Variants in LETM2 observed in about 807,000 individuals in gnomAD.
LETM2 encodes leucine zipper and EF-hand containing transmembrane protein 2, also known as LETM1 domain-containing protein LETM2, mitochondrial.
A neutral mutation model predicts 59.6 loss-of-function variants in LETM2; 58 were observed. The observed-to-expected ratio is 0.97, with a 90% CI of 0.79 to 1.21. The LOEUF (loss-of-function observed/expected upper bound fraction) is 1.21. LETM2 is among the 50% of genes most tolerant of loss of function. The pLI is 0.00. For synonymous variants in LETM2, 199 were observed against 214.1 expected, an observed-to-expected ratio of 0.93 and a Z score of 0.62; for missense variants, 572 against 575.7, an observed-to-expected ratio of 0.99 and a Z score of 0.07.
chr8:38,391,509 G>C (rs1319650289), intron 2 of LETM2, among the ~76,000 whole-genome samples: 1 of 151,674 alleles, frequency 6.6e-6, no homozygotes, highest in Non-Finnish European at 1.5e-5. Context: ...CACCAAGTTG[G>C]CCAGGATGGT....
chr8:38,401,155 T>C (rs1813188952), intron 6 of LETM2, 102 bp downstream of exon 6: 1 of 971,190 alleles, frequency 1.0e-6, no homozygotes. Context: ...TTTGTTTTTG[T>C]TTTTGAGACA....
intron 9 of LETM2, 146 bp downstream of exon 9, chr8:38,407,184 T>C (rs1342602524): frequency 5.5e-6 from 4 of 721,404 alleles, no homozygotes; most frequent in Non-Finnish European, 9.4e-6. Context: ...TACTGTTTGA[T>C]CTAAGAGGAA....
chr8:38,392,449 T>A (rs1206703575), intron 2 of LETM2, 93 bp from the exon 3 acceptor site: 2 of 816,960 alleles, frequency 2.4e-6, no homozygotes, highest in Non-Finnish European at 3.9e-6. Flanking sequence ...TGACCAGATG[T>A]ACTATCTATT....
chr8:38,391,211 C>A (rs112721498), intron 2 of LETM2, among the ~76,000 whole-genome samples: 23,316 of 128,654 alleles, frequency 0.18, 2,241 homozygotes, highest in East Asian at 0.28. Context: ...AAAAAAAAAA[C>A]CAAAAAACTG....
chr8:38,394,765 C>T (rs1382567337), intron 4 of LETM2, among the ~76,000 whole-genome samples: 2 of 151,372 alleles, frequency 1.3e-5, no homozygotes, highest in Non-Finnish European at 2.9e-5. Flanking sequence ...TCACTTGAGC[C>T]CAGGAGGTCA....
Position 38,387,969 on chromosome 8 carries a change from G to C in LETM2, c.-15G>C, listed in dbSNP as rs1410064308. On this transcript the variant is annotated 5_prime_UTR_variant, in exon 2 of 11. It removes the in-frame stop codon of an upstream open reading frame in the 5' UTR. Transcript: ENST00000379957. ...GCCTAGGTCCCTATGTTAACTACTT[G>C]AGACAAAAATAAATATGGCCTTCTA... The C allele has an allele frequency of 3.3e-6, 5 of 1,511,608 alleles. No homozygotes were observed. The Admixed American group carries it at 9.9e-5, about 30-fold the overall frequency. The allele number at this position is 1,511,608 out of a possible 1,614,324, so 93.6% of individuals were successfully genotyped here.
In LETM2 at chr8:38,404,426, C is replaced by T; in HGVS notation, c.1138C>T (p.Pro380Ser). Residue 380 changes from proline to serine, a missense_variant, in exon 8 of 11, where the codon CCT becomes TCT. Pro to Ser is a moderately conservative substitution (Grantham distance 74, BLOSUM62 -1). Transcript: ENST00000379957. Reference sequence around the variant, plus strand: ...CCTCCACCTGAAGGAGAACGTCCCTCCTTCCCTTTTGCTCCTGTCCCGCAC... The same window carrying T: ...CCTCCACCTGAAGGAGAACGTCCCTTCTTCCCTTTTGCTCCTGTCCCGCAC... ...QDLHLKENVP[P>S]SLLLLSRTFY... 1.2e-6 allele frequency: 2 copies of T among 1,614,074 alleles called. No homozygotes were observed. The highest frequency in any genetic ancestry group is 1.7e-6 in the Non-Finnish European group (2 of 1,179,954).
At chr8:38,397,158 T>C in intron 4 of LETM2, 1 of 455,058 alleles carries the variant, frequency 2.2e-6, no homozygotes, top group South Asian at 1.6e-5. Context: ...CAAAACATTA[T>C]GAGAAGACAA....
intron 4 of LETM2, among the ~76,000 whole-genome samples, chr8:38,398,720 C>CTTTTTTT (rs869232263): frequency 1.7e-5 from 2 of 115,812 alleles, no homozygotes; most frequent in Non-Finnish European, 1.8e-5. Context: ...TAAGTGGGTT[C>CTTTTTTT]TTTTTTTTTT....
intron 2 of LETM2, among the ~76,000 whole-genome samples, chr8:38,392,105 C>T (rs867980937): frequency 6.6e-6 from 1 of 152,234 alleles, no homozygotes; most frequent in Non-Finnish European, 1.5e-5. Flanking sequence ...TTAATTCCTA[C>T]AGTGACCATC....
chr8:38,405,002 C>G (rs1033650684), intron 8 of LETM2, among the ~76,000 whole-genome samples: 5 of 152,138 alleles, frequency 3.3e-5, no homozygotes, highest in African/African-American at 1.2e-4. Flanking sequence ...AAAACTGAAG[C>G]CACTCAGTTT....
rs768090246 is a variant in LETM2, at chr8:38,400,304, G to A, written c.678G>A (p.Lys226=). 1 of 1,612,960 alleles carries A rather than the reference G, an allele frequency of 6.2e-7. No homozygotes were observed. Among genetic ancestry groups the A allele is most frequent in the Non-Finnish European group, 8.5e-7 (1 of 1,179,588 alleles). ...AACAGAAAAAGAAAATGGCTGTAAA[G>A]TTGGAACTAGCAAAATTTCTTCAAG... ...EEKQKKKMAV[K]LELAKFLQET... Residue 226 remains lysine, a synonymous_variant, in exon 5 of 11, where the codon AAG becomes AAA. Transcript: ENST00000379957.
chr8:38,409,048 T>TA lies in LETM2; in HGVS notation c.*775dup, dbSNP rs1813977244. ...GTTTGTCTTTCACAAATAAGACTAT[T>TA]AGTCATAGGGATTGTGAAAGTCTGA... On this transcript the variant is annotated 3_prime_UTR_variant, in exon 11 of 11. Transcript: ENST00000379957. 1 of 152,250 alleles carries TA rather than the reference T, an allele frequency of 6.6e-6. No homozygotes were observed. Among genetic ancestry groups the TA allele is most frequent in the Non-Finnish European group, 1.5e-5 (1 of 68,056 alleles). 9.4% of individuals were successfully genotyped at this position (152,250 alleles called of 1,614,324 possible). A position where few individuals can be genotyped will look rare whatever the true frequency, so the allele number is the denominator to read the frequency against.
Position 38,408,777 on chromosome 8 carries a change from G to GT in LETM2, c.*504dup, listed in dbSNP as rs1177203133. The GT allele has an allele frequency of 6.6e-6, 1 of 152,464 alleles. No homozygotes were observed. The highest frequency in any genetic ancestry group is 2.4e-5 in the African/African-American group (1 of 41,466). 9.4% of individuals were successfully genotyped at this position (152,464 alleles called of 1,614,324 possible). ...TGAGATGGGATGGATATACTCCCCA[G>GT]TAAGATCTTTCTGGATATAATGAAG... On this transcript the variant is annotated 3_prime_UTR_variant, in exon 11 of 11. Coordinates refer to ENST00000379957, the MANE Select transcript of LETM2 (RefSeq NM_001286819.2).
chr8:38,393,056 C>A, intron 3 of LETM2, 61 bp downstream of exon 3: 1 of 1,361,588 alleles, frequency 7.3e-7, no homozygotes. Context: ...TTTGGGAACT[C>A]AACTATTTAA....
chr8:38,382,711 G>C (rs948473580), upstream of LETM2: 1 of 151,638 alleles, frequency 6.6e-6, no homozygotes, highest in Non-Finnish European at 1.5e-5. This position sits in a 1 kb window ranked among gnomAD's most constrained non-coding sequence, Gnocchi z 4.2. Context: ...CACGGTCCCC[G>C]GTGGGTCACC....
chr8:38,402,699 T>C, intron 7 of LETM2, 55 bp downstream of exon 7: 1 of 1,570,592 alleles, frequency 6.4e-7, no homozygotes, highest in East Asian at 2.2e-5. Context: ...TCCTACAATA[T>C]GCAGACCTCC....
At chr8:38,406,436 C>G (rs1238641907) in intron 8 of LETM2, 1 of 152,358 alleles carries the variant, frequency 6.6e-6, no homozygotes, top group Non-Finnish European at 1.5e-5. Context: ...ACCGTCTCTA[C>G]TAAAAATACA....
At chr8:38,386,343 G>T (rs1396506742), upstream of LETM2, 1 of 152,210 alleles carries the variant, frequency 6.6e-6, no homozygotes, top group Non-Finnish European at 1.5e-5. Flanking sequence ...TCACTTCGGC[G>T]ATGTAAACGC....
Sources: allele counts gnomAD v4.1 joint callset (sites outside exome capture counted in the v4.1 genomes callset), GRCh38; gene constraint gnomAD v4.1.1; non-coding constraint Gnocchi (gnomAD v3.1); transcripts MANE v1.5; gene names NCBI Gene and HGNC (gene_info 2026-07-23, HGNC 2026-07-21).